EPB41L3: variants seen among roughly 807,000 people sequenced by gnomAD.
The protein encoded by EPB41L3 is band 4.1-like protein 3.
Under a neutral mutation model 127.1 loss-of-function variants are expected in EPB41L3, and 57 were observed. The ratio of observed to expected loss-of-function variants is 0.45; its 90% confidence interval spans 0.36 to 0.56. The LOEUF (loss-of-function observed/expected upper bound fraction) is 0.56. Among genes scored for constraint, EPB41L3 ranks in the 20% least tolerant of loss-of-function variants. EPB41L3 has a pLI of 0.00. For synonymous variants in EPB41L3, 572 were observed against 549.5 expected, an observed-to-expected ratio of 1.04 and a Z score of -0.57; for missense variants, 1,273 against 1,372.2, an observed-to-expected ratio of 0.93 and a Z score of 1.14.
At chr18:5,434,477 T>C (rs2079454909) in intron 6 of EPB41L3, among the ~76,000 whole-genome samples, 1 of 152,190 alleles carries the variant, frequency 6.6e-6, no homozygotes, top group African/African-American at 2.4e-5. Context: ...GTTCCTGAAA[T>C]CCTTGGGTGG....
intron 3 of EPB41L3, among the ~76,000 whole-genome samples, chr18:5,460,692 G>C (rs1287363126): frequency 6.6e-6 from 1 of 152,174 alleles, no homozygotes; most frequent in Non-Finnish European, 1.5e-5. Flanking sequence ...GCAGTAGAGA[G>C]TTTAATCTTA....
chr18:5,615,779 A>T (rs187873463), intron 1 of EPB41L3, among the ~76,000 whole-genome samples: 1 of 152,328 alleles, frequency 6.6e-6, no homozygotes, highest in East Asian at 1.9e-4. Context: ...TATGCATACA[A>T]AAAGAAAATT....
rs1427155017 is a variant in EPB41L3, at chr18:5,393,309, T to A, written c.*176A>T. 2 of 487,544 alleles carry A rather than the reference T, an allele frequency of 4.1e-6. No individual in the cohort carries two copies. The highest frequency in any genetic ancestry group is 7.3e-6 in the Non-Finnish European group (2 of 275,832). 30.2% of individuals were successfully genotyped at this position (487,544 alleles called of 1,614,324 possible). On this transcript the variant is annotated 3_prime_UTR_variant, in exon 23 of 23. Coordinates refer to ENST00000341928, the MANE Select transcript of EPB41L3 (RefSeq NM_012307.5). ...GATGCTGAATCAGATTGCTTTATTATGGGAAGATCTCTCTGCCAGTGTCTT... is the reference window on the plus strand; with the variant it reads ...GATGCTGAATCAGATTGCTTTATTAAGGGAAGATCTCTCTGCCAGTGTCTT...
At chr18:5,551,656 G>T (rs1387506774) in intron 3 of EPB41L3, among the ~76,000 whole-genome samples, 3 of 152,084 alleles carry the variant, frequency 2.0e-5, no homozygotes, top group Non-Finnish European at 4.4e-5. Flanking sequence ...GGAGATTGAG[G>T]CTGCAGTGAG....
At chr18:5,454,011 C>A (rs1290626531) in intron 3 of EPB41L3, among the ~76,000 whole-genome samples, 2 of 152,068 alleles carry the variant, frequency 1.3e-5, no homozygotes, top group Non-Finnish European at 2.9e-5. Flanking sequence ...ACTGCACTAC[C>A]ATTTACCTCA....
chr18:5,603,936 TG>T (rs1300475091), intron 3 of EPB41L3, among the ~76,000 whole-genome samples: 5 of 152,152 alleles, frequency 3.3e-5, no homozygotes, highest in Admixed American at 3.3e-4. Context: ...TAACATTTCC[TG>T]GAAGGGTCAA....
intron 11 of EPB41L3, among the ~76,000 whole-genome samples, chr18:5,423,002 A>G (rs763114038): frequency 6.6e-6 from 1 of 152,218 alleles, no homozygotes; most frequent in African/African-American, 2.4e-5. Flanking sequence ...TAGATTTATA[A>G]AACAAATGGT....
intron 1 of EPB41L3, among the ~76,000 whole-genome samples, chr18:5,527,901 T>A (rs991283238): frequency 1.3e-5 from 2 of 152,106 alleles, no homozygotes; most frequent in African/African-American, 4.8e-5. Context: ...CACCATAGAA[T>A]ACTACAGATA....
intron 3 of EPB41L3, among the ~76,000 whole-genome samples, chr18:5,608,835 C>T (rs1384809287): frequency 6.6e-6 from 1 of 152,246 alleles, no homozygotes; most frequent in East Asian, 1.9e-4. Context: ...CATAACATAA[C>T]TCAATAAGCA....
chr18:5,625,763 T>C (rs928636970), intron 1 of EPB41L3, among the ~76,000 whole-genome samples: 1 of 152,154 alleles, frequency 6.6e-6, no homozygotes, highest in African/African-American at 2.4e-5. Flanking sequence ...CTTCTCACCA[T>C]AAAGCATTCC....
chr18:5,400,524 GAA>G (rs758417957), intron 16 of EPB41L3: 1 of 456,736 alleles, frequency 2.2e-6, no homozygotes, highest in South Asian at 1.5e-5. Flanking sequence ...CAGTTTTCTG[GAA>G]AATTATTTGA....
intron 3 of EPB41L3, among the ~76,000 whole-genome samples, chr18:5,561,281 G>A (rs920313442): frequency 1.3e-5 from 2 of 152,094 alleles, no homozygotes; most frequent in Admixed American, 6.6e-5. Flanking sequence ...CTGGCCAGTT[G>A]TAATTAATTT....
chr18:5,482,817 G>C (rs1292646541), intron 2 of EPB41L3, among the ~76,000 whole-genome samples: 1 of 152,050 alleles, frequency 6.6e-6, no homozygotes, highest in Non-Finnish European at 1.5e-5. Flanking sequence ...AAAGCAGAGA[G>C]AATTCACCAC....
intron 1 of EPB41L3, among the ~76,000 whole-genome samples, chr18:5,626,970 A>C (rs1042282811): frequency 2.0e-5 from 3 of 152,184 alleles, no homozygotes; most frequent in African/African-American, 4.8e-5. Context: ...TTAAGTAGAA[A>C]AATGGTGGGT....
chr18:5,418,898 A>G (rs1452751159), intron 12 of EPB41L3, among the ~76,000 whole-genome samples: 4 of 152,186 alleles, frequency 2.6e-5, no homozygotes, highest in African/African-American at 4.8e-5. Flanking sequence ...CCCATGGGTT[A>G]TTATGAGCAT....
At position 5,398,153 on chromosome 18, in the gene EPB41L3, CAAAG is replaced by C; in HGVS notation, c.2350-14_2350-11del. ...CAGAAGACTGCTTAGTCTGAGTGAA[CAAAG>C]AGAGGCAGAGTCAAGCACAAAAGAG... On this transcript the variant is annotated splice_polypyrimidine_tract_variant and intron_variant, in intron 16 of 22. Transcript: ENST00000341928. The C allele has an allele frequency of 6.2e-7, 1 of 1,613,646 alleles. No homozygotes were observed. The highest frequency in any genetic ancestry group is 8.5e-7 in the Non-Finnish European group (1 of 1,179,908).
chr18:5,481,089 A>G (rs748189792), intron 2 of EPB41L3: 1 of 152,242 alleles, frequency 6.6e-6, no homozygotes, highest in Non-Finnish European at 1.5e-5. Context: ...CTGGGATGGG[A>G]TCTCCCTGCT....
chr18:5,428,270 G>T (rs960817480), intron 9 of EPB41L3, 43 bp downstream of exon 9: 2 of 1,606,984 alleles, frequency 1.2e-6, no homozygotes, highest in African/African-American at 1.3e-5. Context: ...TTGCTATCAG[G>T]GATCTTTCCT....
At chr18:5,591,018 G>A (rs909411331) in intron 3 of EPB41L3, among the ~76,000 whole-genome samples, 4 of 152,066 alleles carry the variant, frequency 2.6e-5, no homozygotes, top group Non-Finnish European at 4.4e-5. Context: ...ACATACAGAA[G>A]TACAGACATG....
Sources: allele counts gnomAD v4.1 joint callset (sites outside exome capture counted in the v4.1 genomes callset), GRCh38; gene constraint gnomAD v4.1.1; transcripts MANE v1.5; gene names NCBI Gene and HGNC (gene_info 2026-07-23, HGNC 2026-07-21).